The following FLRT1 variants were observed in gnomAD, a reference collection of about 807,000 sequenced individuals.
FLRT1 encodes fibronectin leucine rich transmembrane protein 1.
In FLRT1, 14 loss-of-function variants were observed where a neutral mutation model predicts 30.9. The observed-to-expected ratio is 0.45, with a 90% CI of 0.30 to 0.71. FLRT1 has a LOEUF of 0.71. Among genes scored for constraint, FLRT1 ranks in the 30% least tolerant of loss-of-function variants. The probability of loss-of-function intolerance (pLI) is 0.08; values close to 1 mark genes in which losing one functional copy is unlikely to be tolerated. For synonymous variants in FLRT1, 368 were observed against 430.4 expected (o/e 0.85, Z 1.80); for missense variants, 737 against 949.2 (o/e 0.78, Z 2.94).
intron 1 of FLRT1, among the ~76,000 whole-genome samples, chr11:64,041,998 T>TTA (rs1276988315): frequency 6.6e-6 from 1 of 151,798 alleles, no homozygotes; most frequent in African/African-American, 2.4e-5. Context: ...TGGGGGGCAG[T>TTA]TAGGGGCCCA....
chr11:64,104,630 C>T (rs1480159072), intron 2 of FLRT1, among the ~76,000 whole-genome samples: 3 of 152,046 alleles, frequency 2.0e-5, no homozygotes, highest in Non-Finnish European at 4.4e-5. Context: ...AGGGAGTCCA[C>T]AAGTCTATAT....
Position 64,096,660 on chromosome 11 carries a change from G to T in FLRT1, c.-1037-6534G>T, listed in dbSNP as rs951970225. 2.0e-5 allele frequency among the ~76,000 whole-genome samples: 3 copies of T among 152,002 alleles called. No homozygotes were observed. Among genetic ancestry groups the T allele is most frequent in the Admixed American group, 6.5e-5 (1 of 15,268 alleles). On this transcript the variant is annotated intron_variant, in intron 1 of 2. Coordinates refer to ENST00000682287, the MANE Select transcript of FLRT1 (RefSeq NM_013280.5). The surrounding 1 kb of genome is among the most constrained non-coding windows in gnomAD (Gnocchi z 4.6). Reference sequence around the variant, plus strand: ...TCGAACTCCTGACCTCAAGTTATCCGCCTGCCTCAGCCTCCCAAAGTGCTG... The same window carrying T: ...TCGAACTCCTGACCTCAAGTTATCCTCCTGCCTCAGCCTCCCAAAGTGCTG...
Position 64,096,722 on chromosome 11 carries a change from C to T in FLRT1, c.-1037-6472C>T, listed in dbSNP as rs1170504823. On this transcript the variant is annotated intron_variant, in intron 1 of 2. Coordinates refer to ENST00000682287, the MANE Select transcript of FLRT1 (RefSeq NM_013280.5). This position sits in a 1 kb window ranked among gnomAD's most constrained non-coding sequence, Gnocchi z 4.6. ...ATGAGCCACCGCACCCTACCCTCTC[C>T]CCCTTTTGTGCCTAGAGTTGCTCTG... Among the ~76,000 whole-genome samples, 1 of 152,192 alleles carries T rather than the reference C, an allele frequency of 6.6e-6. No individual in the cohort carries two copies. Among genetic ancestry groups the T allele is most frequent in the Non-Finnish European group, 1.5e-5 (1 of 68,020 alleles).
chr11:64,066,964 C>G (rs1237933263), intron 1 of FLRT1, among the ~76,000 whole-genome samples: 1 of 152,214 alleles, frequency 6.6e-6, no homozygotes, highest in Non-Finnish European at 1.5e-5. Context: ...TACGGAGGGT[C>G]ACACAGAGCC....
At chr11:64,056,975 C>T (rs1278435271) in intron 1 of FLRT1, among the ~76,000 whole-genome samples, 12 of 152,214 alleles carry the variant, frequency 7.9e-5, no homozygotes, top group African/African-American at 2.9e-4. Flanking sequence ...AGCCCGGGTA[C>T]AGCCTTGGCC....
intron 2 of FLRT1, among the ~76,000 whole-genome samples, chr11:64,105,568 C>A (rs1379504975): frequency 6.6e-6 from 1 of 152,210 alleles, no homozygotes; most frequent in East Asian, 1.9e-4. Context: ...GTGCCCAACA[C>A]TCAGGCACCC....
intron 1 of FLRT1, among the ~76,000 whole-genome samples, chr11:64,077,116 C>T (rs1224824663): frequency 1.3e-5 from 2 of 152,188 alleles, no homozygotes; most frequent in East Asian, 1.9e-4. Flanking sequence ...CACCTCAGTC[C>T]AGCCTCGGGT....
At chr11:64,065,746 C>T (rs1289967379) in intron 1 of FLRT1, among the ~76,000 whole-genome samples, 12 of 144,748 alleles carry the variant, frequency 8.3e-5, no homozygotes, top group South Asian at 4.4e-4. Flanking sequence ...GCTGAGATGG[C>T]GCCACTGCAC....
rs1392287913 is a variant in FLRT1, at chr11:64,116,479, G to T, written c.212G>T (p.Gly71Val). ...GGCTTCATCTACTGCAACGACCGGG[G>T]ACTCACATCCATCCCCGCAGATATC... Reference protein sequence around the residue: ...DNGFIYCNDRGLTSIPADIPD... With the variant: ...DNGFIYCNDRVLTSIPADIPD... The change falls in exon 3 of 3, where the codon GGA becomes GTA. Residue 71 changes from glycine to valine, a missense_variant. Physicochemically the swap from Gly to Val is moderately radical, Grantham distance 109 (BLOSUM62 -3). Transcript: ENST00000682287. 5 of 1,613,776 alleles carry T rather than the reference G, an allele frequency of 3.1e-6. No homozygotes were observed. Among genetic ancestry groups the T allele is most frequent in the Admixed American group, 1.7e-5 (1 of 59,992 alleles).
intron 1 of FLRT1, among the ~76,000 whole-genome samples, chr11:64,072,796 A>C (rs1944133255): frequency 6.6e-6 from 1 of 152,186 alleles, no homozygotes; most frequent in Non-Finnish European, 1.5e-5. Context: ...TTTGTGTTGC[A>C]GCTCCACCCT....
At chr11:64,112,427 T>G (rs1260383218) in intron 2 of FLRT1, among the ~76,000 whole-genome samples, 1 of 152,056 alleles carries the variant, frequency 6.6e-6, no homozygotes, top group East Asian at 1.9e-4. Flanking sequence ...AGCAGGAGGA[T>G]CTCTTGAACC....
chr11:64,062,759 C>T (rs1943928617), intron 1 of FLRT1, among the ~76,000 whole-genome samples: 1 of 152,184 alleles, frequency 6.6e-6, no homozygotes, highest in Non-Finnish European at 1.5e-5. Context: ...ATGCCCACCC[C>T]AAAACCAGGC....
intron 1 of FLRT1, among the ~76,000 whole-genome samples, chr11:64,041,305 C>G (rs1247081571): frequency 6.8e-6 from 1 of 146,084 alleles, no homozygotes; most frequent in Non-Finnish European, 1.5e-5. Context: ...TCTCCAGAAG[C>G]AAATTGCTCT....
At chr11:64,108,417 G>A (rs1183638960) in intron 2 of FLRT1, among the ~76,000 whole-genome samples, 6 of 152,178 alleles carry the variant, frequency 3.9e-5, no homozygotes, top group Admixed American at 6.5e-5. Context: ...ACAGGAAAGG[G>A]GCTTCCTGGC....
At chr11:64,100,363 T>A (rs1008159838) in intron 1 of FLRT1, among the ~76,000 whole-genome samples, 1 of 152,238 alleles carries the variant, frequency 6.6e-6, no homozygotes, top group Non-Finnish European at 1.5e-5. Flanking sequence ...GAAAATTGTG[T>A]AAGCATCTCA....
intron 2 of FLRT1, among the ~76,000 whole-genome samples, chr11:64,109,935 T>C (rs1413393336): frequency 6.6e-6 from 1 of 152,052 alleles, no homozygotes; most frequent in Non-Finnish European, 1.5e-5. Flanking sequence ...GACGGGCAGC[T>C]ACTGCAGAAG....
At chr11:64,068,041 T>C (rs1279273095) in intron 1 of FLRT1, among the ~76,000 whole-genome samples, 1 of 152,202 alleles carries the variant, frequency 6.6e-6, no homozygotes, top group Non-Finnish European at 1.5e-5. Flanking sequence ...ATTTAACAAA[T>C]TGCCTCACAG....
At chr11:64,042,496 G>T (rs1361898320) in intron 1 of FLRT1, among the ~76,000 whole-genome samples, 2 of 152,198 alleles carry the variant, frequency 1.3e-5, no homozygotes, top group African/African-American at 4.8e-5. Flanking sequence ...GTGATGGCCA[G>T]CCCTGCAGCG....
At chr11:64,040,948 A>G (rs1454042776) in intron 1 of FLRT1, among the ~76,000 whole-genome samples, 1 of 152,094 alleles carries the variant, frequency 6.6e-6, no homozygotes, top group South Asian at 2.1e-4. Flanking sequence ...TCAAGGGGTC[A>G]AAGGGCATCC....
Sources: gnomAD v4.1 joint callset for allele counts (sites outside exome capture counted in the v4.1 genomes callset) on GRCh38, gnomAD v4.1.1 for gene constraint, Gnocchi (gnomAD v3.1) non-coding constraint, MANE v1.5 for transcripts, NCBI Gene and HGNC (gene_info 2026-07-23, HGNC 2026-07-21) for gene names.